PPP2R2C: variants seen among roughly 807,000 people sequenced by gnomAD.
The protein encoded by PPP2R2C is protein phosphatase 2 regulatory subunit Bgamma, also known as protein phosphatase 2, regulatory subunit B, gamma.
In PPP2R2C, 10 loss-of-function variants were observed where a neutral mutation model predicts 45.3. The ratio of observed to expected loss-of-function variants is 0.22; its 90% confidence interval spans 0.14 to 0.37. The LOEUF is 0.37. Ranked by LOEUF, PPP2R2C falls within the 10% of genes least tolerant of loss-of-function variation. The pLI, the probability that PPP2R2C is intolerant of heterozygous loss-of-function variation, is 1.00. For missense variants in PPP2R2C, 308 were observed against 619.7 expected (o/e 0.50, Z 5.34); for synonymous variants, 257 against 245.4 (o/e 1.05, Z -0.44).
In PPP2R2C at chr4:6,537,446, G is replaced by A. The variant is rs139049215; in HGVS notation, c.-58-2069C>T. ...ACCTTCTAAAACTTTGTTTTTAGTG[G>A]CATGGCAATTTACAGATTAACCCTT... On this transcript the variant is annotated intron_variant, in intron 1 of 9. Coordinates refer to the PPP2R2C transcript ENST00000506140. 6.1e-3 allele frequency among the ~76,000 whole-genome samples: 929 copies of A among 152,040 alleles called. 8 individuals carry two copies. Among genetic ancestry groups the A allele is most frequent in the African/African-American group, 0.021 (882 of 41,436 alleles).
chr4:6,517,650 G>C (rs1396284909), intron 2 of PPP2R2C, among the ~76,000 whole-genome samples: 1 of 152,166 alleles, frequency 6.6e-6, no homozygotes, highest in Non-Finnish European at 1.5e-5. Flanking sequence ...GCGGCTCTTT[G>C]GGATGTCTTC....
At chr4:6,476,886 G>C (rs987969911), upstream of PPP2R2C, among the ~76,000 whole-genome samples, 1 of 152,136 alleles carries the variant, frequency 6.6e-6, no homozygotes, top group Non-Finnish European at 1.5e-5. Flanking sequence ...CCCCACTGTT[G>C]TTGGGCACAT....
chr4:6,426,998 G>A (rs1282030853), intron 1 of PPP2R2C, among the ~76,000 whole-genome samples: 1 of 152,246 alleles, frequency 6.6e-6, no homozygotes. Flanking sequence ...AGACTGAGAT[G>A]GAAGCGGCCA....
At chr4:6,394,512 C>T (rs574671627) in intron 1 of PPP2R2C, among the ~76,000 whole-genome samples, 5 of 152,348 alleles carry the variant, frequency 3.3e-5, no homozygotes, top group African/African-American at 9.6e-5. Flanking sequence ...GGACCTGGTT[C>T]GACTGTCTCC....
At chr4:6,422,765 C>T (rs1419562945) in intron 1 of PPP2R2C, among the ~76,000 whole-genome samples, 1 of 152,168 alleles carries the variant, frequency 6.6e-6, no homozygotes, top group Non-Finnish European at 1.5e-5. Context: ...TGTGAAAACC[C>T]TGTCTCAAAA....
chr4:6,421,948 T>C (rs963674180), intron 1 of PPP2R2C, among the ~76,000 whole-genome samples: 1 of 152,164 alleles, frequency 6.6e-6, no homozygotes, highest in Non-Finnish European at 1.5e-5. Context: ...GTAAGTGAAG[T>C]CAACTTAGGA....
intron 1 of PPP2R2C, among the ~76,000 whole-genome samples, chr4:6,405,791 C>T (rs918945551): frequency 5.9e-5 from 9 of 152,124 alleles, no homozygotes; most frequent in Non-Finnish European, 2.9e-5. Flanking sequence ...GAAGGATGGG[C>T]CTATAAAGCC....
chr4:6,452,287 G>A (rs1462927046), intron 1 of PPP2R2C, among the ~76,000 whole-genome samples: 1 of 152,070 alleles, frequency 6.6e-6, no homozygotes, highest in African/African-American at 2.4e-5. Flanking sequence ...TGTGAACATT[G>A]GCAGTGGAGT....
intron 8 of PPP2R2C, among the ~76,000 whole-genome samples, chr4:6,327,494 G>A (rs1207508763): frequency 2.6e-5 from 4 of 152,236 alleles, no homozygotes; most frequent in Non-Finnish European, 4.4e-5. Context: ...GCAGTGGGTC[G>A]CAGCCAGCGG....
chr4:6,519,164 C>T (rs1254710047), intron 2 of PPP2R2C, among the ~76,000 whole-genome samples: 1 of 152,128 alleles, frequency 6.6e-6, no homozygotes, highest in Admixed American at 6.5e-5. Flanking sequence ...ACCATCCACC[C>T]TTCTGACTCC....
chr4:6,422,967 A>G (rs1719070864), intron 1 of PPP2R2C, among the ~76,000 whole-genome samples: 1 of 152,176 alleles, frequency 6.6e-6, no homozygotes. Context: ...CATATATTCT[A>G]CATGCACCAA....
chr4:6,432,953 A>T (rs993083627), intron 1 of PPP2R2C, among the ~76,000 whole-genome samples: 6 of 152,218 alleles, frequency 3.9e-5, no homozygotes, highest in African/African-American at 1.4e-4. Flanking sequence ...TAAAGATTAT[A>T]GTGATCCCCT....
chr4:6,534,404 A>C (rs1724522585), intron 2 of PPP2R2C, among the ~76,000 whole-genome samples: 1 of 150,572 alleles, frequency 6.6e-6, no homozygotes, highest in Admixed American at 6.6e-5. Context: ...CAACACACAC[A>C]CAACACATAC....
chr4:6,510,705 C>T (rs1467267846), intron 2 of PPP2R2C, among the ~76,000 whole-genome samples: 1 of 152,090 alleles, frequency 6.6e-6, no homozygotes, highest in Non-Finnish European at 1.5e-5. Flanking sequence ...AGGCCGGGCA[C>T]GGTGTCTCAC....
At position 6,440,321 on chromosome 4, in the gene PPP2R2C, G is replaced by A. The variant is rs147877638; in HGVS notation, c.70+31839C>T. On this transcript the variant is annotated intron_variant, in intron 1 of 8. Coordinates refer to ENST00000382599, the MANE Select transcript of PPP2R2C (RefSeq NM_020416.4). Reference sequence around the variant, plus strand: ...TCAGAAAAGAGTTCTAACCTTTAGAGTTTTGTATCTGAATGATCAGTTATC... The same window carrying A: ...TCAGAAAAGAGTTCTAACCTTTAGAATTTTGTATCTGAATGATCAGTTATC... Among the ~76,000 whole-genome samples, 1,086 of 152,362 alleles carry A rather than the reference G, an allele frequency of 7.1e-3. 53 individuals are homozygous for A. Among genetic ancestry groups the A allele is most frequent in the Admixed American group, 0.067 (1,026 of 15,298 alleles).
At chr4:6,355,993 G>GAAAAAAGAAAAAAAA (rs1713145180) in intron 5 of PPP2R2C, among the ~76,000 whole-genome samples, 1 of 97,904 alleles carries the variant, frequency 1.0e-5, no homozygotes, top group South Asian at 3.8e-4. Flanking sequence ...ACTCTGCCTG[G>GAAAAAAGAAAAAAAA]AAAAAAAAAA....
intron 5 of PPP2R2C, chr4:6,349,104 C>A: frequency 1.2e-5 from 12 of 985,394 alleles, no homozygotes; most frequent in Non-Finnish European, 1.4e-5. Context: ...CTGGCACCCC[C>A]GAGCTTCTCT....
At chr4:6,559,867 G>A (rs761195501) in intron 1 of PPP2R2C, among the ~76,000 whole-genome samples, 1 of 152,194 alleles carries the variant, frequency 6.6e-6, no homozygotes. Context: ...AGCTGCCCAG[G>A]CTATATGGTG....
chr4:6,446,613 T>A (rs1211396490), intron 1 of PPP2R2C, among the ~76,000 whole-genome samples: 1 of 152,128 alleles, frequency 6.6e-6, no homozygotes, highest in Non-Finnish European at 1.5e-5. Context: ...TAGGAACTGA[T>A]GAATCTTGTC....
Sources: allele counts gnomAD v4.1 joint callset (sites outside exome capture counted in the v4.1 genomes callset), GRCh38; gene constraint gnomAD v4.1.1; transcripts MANE v1.5; gene names NCBI Gene and HGNC (gene_info 2026-07-23, HGNC 2026-07-21).